The following DDX60L variants were observed in gnomAD, a reference collection of about 807,000 sequenced individuals.
DDX60L encodes the protein probable ATP-dependent RNA helicase DDX60-like.
In DDX60L, 191 loss-of-function variants were observed where a neutral mutation model predicts 211.6. The ratio of observed to expected loss-of-function variants is 0.90; its 90% CI spans 0.80 to 1.02. The LOEUF is 1.02. Ranked by LOEUF, DDX60L falls within the 50% of genes least tolerant of loss-of-function variation. The probability of loss-of-function intolerance (pLI) is 0.00; values close to 1 mark genes in which losing one functional copy is unlikely to be tolerated. For synonymous variants in DDX60L, 706 were observed against 694.1 expected (o/e 1.02, Z -0.27); for missense variants, 2,007 against 1,984.1 (o/e 1.01, Z -0.22).
intron 8 of DDX60L, among the ~76,000 whole-genome samples, chr4:168,449,953 G>T (rs1755573075): frequency 1.3e-5 from 2 of 152,044 alleles, no homozygotes; most frequent in Non-Finnish European, 1.5e-5. Flanking sequence ...TTGTTCCTGG[G>T]TGTAGGCTGA....
intron 15 of DDX60L, among the ~76,000 whole-genome samples, chr4:168,422,969 T>TTGTGTGTGTGTGTGTGTG (rs5863932): frequency 6.0e-5 from 8 of 132,964 alleles, no homozygotes; most frequent in Non-Finnish European, 7.8e-5. Context: ...GTGGCTAATA[T>TTGTGTGTGTGTGTGTGTG]TGTGTGTGTG....
chr4:168,358,046 C>A lies in DDX60L; in HGVS notation c.*101G>T, dbSNP rs974560437. 7 of 1,104,744 alleles carry A rather than the reference C, an allele frequency of 6.3e-6. No individual in the cohort carries two copies. The highest frequency in any genetic ancestry group is 2.3e-5 in the Admixed American group (1 of 42,990). 68.4% of individuals were successfully genotyped at this position (1,104,744 alleles called of 1,614,324 possible). On this transcript the variant is annotated 3_prime_UTR_variant, in exon 38 of 38. Coordinates refer to ENST00000682922, the MANE Select transcript of DDX60L (RefSeq NM_001012967.3). ...ATCTGAGTTTAATTCTGTTTGACTCCAAGACAAACATTTTTTCCATTTCAT... is the reference window on the plus strand; with the variant it reads ...ATCTGAGTTTAATTCTGTTTGACTCAAAGACAAACATTTTTTCCATTTCAT...
intron 29 of DDX60L, among the ~76,000 whole-genome samples, chr4:168,388,752 A>G (rs1744306200): frequency 6.6e-6 from 1 of 152,140 alleles, no homozygotes; most frequent in East Asian, 1.9e-4. Context: ...GCACATAGGT[A>G]CCTGAGGCAA....
intron 36 of DDX60L, among the ~76,000 whole-genome samples, chr4:168,367,671 G>A (rs1206654188): frequency 6.6e-6 from 1 of 152,200 alleles, no homozygotes; most frequent in African/African-American, 2.4e-5. Context: ...GGAAAACGTG[G>A]GAAAGTTTGG....
At chr4:168,423,162 T>C (rs1388895951) in intron 15 of DDX60L, among the ~76,000 whole-genome samples, 1 of 152,030 alleles carries the variant, frequency 6.6e-6, no homozygotes, top group Non-Finnish European at 1.5e-5. Context: ...TAAGAAGAGT[T>C]TTCCTGCCTA....
At chr4:168,370,181 A>G (rs772562251) in intron 36 of DDX60L, among the ~76,000 whole-genome samples, 7 of 152,202 alleles carry the variant, frequency 4.6e-5, no homozygotes, top group Non-Finnish European at 1.0e-4. Flanking sequence ...AGTGTCCAAC[A>G]GTGGATGAAC....
At chr4:168,449,322 G>A (rs1026645111) in intron 8 of DDX60L, among the ~76,000 whole-genome samples, 1 of 150,910 alleles carries the variant, frequency 6.6e-6, no homozygotes. Context: ...GTAGGGACAT[G>A]GATGAAATTG....
At position 168,472,753 on chromosome 4, in the gene DDX60L, T is replaced by C. The variant is rs1758971265; in HGVS notation, c.-54A>G. 2 of 1,596,544 alleles carry C rather than the reference T, an allele frequency of 1.3e-6. No individual in the cohort carries two copies. The highest frequency in any genetic ancestry group is 1.3e-5 in the African/African-American group (1 of 74,108). ...AAGAGTAGAGCTGGAATTTATTAAATATGGCTGATTTATTTTGACACCTCT... is the reference window on the plus strand; with the variant it reads ...AAGAGTAGAGCTGGAATTTATTAAACATGGCTGATTTATTTTGACACCTCT... On this transcript the variant is annotated 5_prime_UTR_variant, in exon 2 of 38. In the 5' UTR this introduces an upstream ATG that the reference lacks. Transcript: ENST00000682922.
Position 168,416,698 on chromosome 4 carries a change from G to C in DDX60L, c.2710C>G (p.Pro904Ala). ...FLVLSATINNPNLLTKWLQSV... is the reference protein window; with the variant it reads ...FLVLSATINNANLLTKWLQSV... ...TATACCTACTTGGTGAGAAGATTTG[G>C]GTTATTTATGGTAGCTGAAAGAACC... Residue 904 changes from proline (P) to alanine (A), a missense_variant, in exon 20 of 38, where the codon CCA becomes GCA. Physicochemically the swap from Pro to Ala is conservative, Grantham distance 27. Coordinates refer to ENST00000682922, the MANE Select transcript of DDX60L (RefSeq NM_001012967.3). 1 of 1,595,464 alleles carries C rather than the reference G, an allele frequency of 6.3e-7. No homozygotes were observed.
At chr4:168,364,376 C>G (rs917995159) in intron 36 of DDX60L, among the ~76,000 whole-genome samples, 2 of 151,948 alleles carry the variant, frequency 1.3e-5, no homozygotes, top group Non-Finnish European at 2.9e-5. Flanking sequence ...ATTCTATATA[C>G]CAAAACATCC....
At chr4:168,404,977 C>T (rs1245857236) in intron 24 of DDX60L, among the ~76,000 whole-genome samples, 1 of 151,860 alleles carries the variant, frequency 6.6e-6, no homozygotes, top group Non-Finnish European at 1.5e-5. Flanking sequence ...GCCAAACAGG[C>T]TAAATTATTT....
intron 36 of DDX60L, among the ~76,000 whole-genome samples, chr4:168,362,548 C>T (rs564337276): frequency 6.6e-6 from 1 of 152,188 alleles, no homozygotes; most frequent in Non-Finnish European, 1.5e-5. Context: ...CCAAAATATT[C>T]CTGCCCCAAA....
rs778050382 is a variant in DDX60L at position 168,423,784 on chromosome 4, G to T, written c.1931-10C>A. The T allele has an allele frequency of 1.1e-5, 17 of 1,541,060 alleles. No individual in the cohort carries two copies. In the South Asian group the frequency reaches 2.1e-4, roughly 19 times the overall value. On this transcript the variant is annotated splice_polypyrimidine_tract_variant and intron_variant, in intron 14 of 37. Coordinates refer to ENST00000682922, the MANE Select transcript of DDX60L (RefSeq NM_001012967.3). Reference sequence around the variant, plus strand: ...TCTTTCGAAATTTTGCCTTGTTAAAGAAACAATAAAATTGTTATAAAGAAC... The same window carrying T: ...TCTTTCGAAATTTTGCCTTGTTAAATAAACAATAAAATTGTTATAAAGAAC...
chr4:168,409,982 G>A (rs1364582351), intron 22 of DDX60L, among the ~76,000 whole-genome samples: 3 of 152,076 alleles, frequency 2.0e-5, no homozygotes, highest in African/African-American at 4.8e-5. Context: ...TGCCTGCCAC[G>A]TAAATTCTCA....
At position 168,394,634 on chromosome 4, in the gene DDX60L, G is replaced by T; in HGVS notation, c.3658-17C>A. ...CTCCAAAGTCTAAAACAAGAAAGAA[G>T]TGTAAAACAATTGATGATGTATTTT... On this transcript the variant is annotated splice_polypyrimidine_tract_variant and intron_variant, in intron 27 of 37. Transcript: ENST00000682922. 6.4e-7 allele frequency: 1 copy of T among 1,574,776 alleles called. No individual in the cohort carries two copies.
intron 33 of DDX60L, 26 bp downstream of exon 33, chr4:168,378,328 A>G (rs756016329): frequency 1.6e-6 from 2 of 1,253,628 alleles, no homozygotes; most frequent in South Asian, 2.7e-5. Context: ...TCATTATTAT[A>G]TCATTGTAAG....
chr4:168,454,278 A>T (rs756268492), intron 7 of DDX60L, among the ~76,000 whole-genome samples: 4 of 152,200 alleles, frequency 2.6e-5, no homozygotes, highest in Non-Finnish European at 5.9e-5. Context: ...CATAGCTAAG[A>T]TCTACTGTAC....
chr4:168,430,455 T>C (rs374623982), intron 13 of DDX60L, 23 bp downstream of exon 13: 2 of 1,545,376 alleles, frequency 1.3e-6, no homozygotes, highest in African/African-American at 1.4e-5. Context: ...AGAAAAAAAT[T>C]AGGTAAAATC....
chr4:168,408,640 T>C (rs980761817), intron 22 of DDX60L, among the ~76,000 whole-genome samples: 1 of 151,898 alleles, frequency 6.6e-6, no homozygotes, highest in East Asian at 1.9e-4. Context: ...GAACAAAAAA[T>C]AAGTAAAAAA....
Sources: allele counts gnomAD v4.1 joint callset (sites outside exome capture counted in the v4.1 genomes callset), GRCh38; gene constraint gnomAD v4.1.1; transcripts MANE v1.5; gene names NCBI Gene and HGNC (gene_info 2026-07-23, HGNC 2026-07-21).